The following ARHGAP17 variants were observed in gnomAD, a reference collection of about 807,000 sequenced individuals.
ARHGAP17 encodes Rho GTPase activating protein 17.
Under a neutral mutation model 99.5 loss-of-function variants are expected in ARHGAP17, and 57 were observed. That is an observed-to-expected ratio of 0.57 (90% CI 0.46 to 0.71). The LOEUF is 0.71. ARHGAP17 is among the 30% of genes least tolerant of loss of function. ARHGAP17 has a pLI of 0.00. For synonymous variants in ARHGAP17, 417 were observed against 429.6 expected (o/e 0.97, Z 0.36); for missense variants, 1,000 against 1,122.4 (o/e 0.89, Z 1.56).
intron 1 of ARHGAP17, among the ~76,000 whole-genome samples, chr16:24,993,011 C>A (rs910480706): frequency 6.6e-6 from 1 of 152,118 alleles, no homozygotes; most frequent in Non-Finnish European, 1.5e-5. Context: ...ATGTTGTCCA[C>A]ACTGGTTTCA....
rs181667440 is a variant in ARHGAP17 at position 24,989,502 on chromosome 16, T to C, written c.54-10497A>G. The stretch of plus-strand genomic sequence containing the variant: ...CTACACATGACAGTCCTGGAGGCTC[T>C]GAAAATAATACAGGTGATGCCACTT... On this transcript the variant is annotated intron_variant, in intron 1 of 19. Transcript: ENST00000289968. Among the ~76,000 whole-genome samples the C allele has an allele frequency of 1.6e-3, 238 of 151,750 alleles. 2 individuals carry two copies. In the Middle Eastern group the frequency reaches 0.027, roughly 17 times the overall value.
At chr16:24,923,534 A>T (rs2050766774) in intron 19 of ARHGAP17, among the ~76,000 whole-genome samples, 1 of 152,074 alleles carries the variant, frequency 6.6e-6, no homozygotes, top group Admixed American at 6.6e-5. Context: ...AGACCAGCCC[A>T]GGCAACATGA....
intron 14 of ARHGAP17, among the ~76,000 whole-genome samples, chr16:24,944,132 G>A (rs1426004648): frequency 2.6e-5 from 4 of 152,090 alleles, no homozygotes; most frequent in African/African-American, 4.8e-5. Context: ...TTAGCCAGGC[G>A]TGGTGGTGCG....
Position 24,968,706 on chromosome 16 carries a change from G to T in ARHGAP17, c.339C>A (p.Val113=), listed in dbSNP as rs1219265445. ...GGTCCACGATCTCCTTCTCAACAAA[G>T]ACTTCGTGCTGGGAGAGCTCGAGAG... ...QLALELSQHE[V]FVEKEIVDPL... is the part of the protein sequence containing the mutation. The change falls in exon 5 of 20, where the codon GTC becomes GTA. Residue 113 remains valine (V), a synonymous_variant. Transcript: ENST00000289968. 6.2e-7 allele frequency: 1 copy of T among 1,614,194 alleles called. No individual in the cohort carries two copies. The highest frequency in any genetic ancestry group is 8.5e-7 in the Non-Finnish European group (1 of 1,180,050).
At chr16:24,990,617 A>C (rs1434871954) in intron 1 of ARHGAP17, among the ~76,000 whole-genome samples, 1 of 152,004 alleles carries the variant, frequency 6.6e-6, no homozygotes, top group Non-Finnish European at 1.5e-5. Flanking sequence ...AGATCACACC[A>C]CTGCACTCCA....
intron 1 of ARHGAP17, among the ~76,000 whole-genome samples, chr16:25,008,941 A>G (rs895171557): frequency 2.2e-4 from 34 of 152,200 alleles, no homozygotes; most frequent in African/African-American, 8.2e-4. Context: ...GATGAGATTG[A>G]GAAGCTGCTG....
intron 19 of ARHGAP17, among the ~76,000 whole-genome samples, chr16:24,924,517 G>T (rs185530716): frequency 3.3e-4 from 50 of 151,590 alleles, no homozygotes; most frequent in African/African-American, 1.1e-3. Context: ...CCAGCCCTTG[G>T]AAGGCAGAGA....
At chr16:25,012,415 C>A (rs547462153) in intron 1 of ARHGAP17, among the ~76,000 whole-genome samples, 2 of 152,336 alleles carry the variant, frequency 1.3e-5, no homozygotes, top group South Asian at 4.1e-4. Context: ...CTGCAAGACA[C>A]CACCTAGAAT....
At chr16:24,965,013 G>A (rs892408411) in intron 6 of ARHGAP17, among the ~76,000 whole-genome samples, 1 of 152,034 alleles carries the variant, frequency 6.6e-6, no homozygotes, top group Non-Finnish European at 1.5e-5. Context: ...GAAAAAAAAA[G>A]AAACTATAGT....
At chr16:25,005,633 T>C (rs2053484583) in intron 1 of ARHGAP17, among the ~76,000 whole-genome samples, 2 of 152,242 alleles carry the variant, frequency 1.3e-5, no homozygotes, top group Non-Finnish European at 2.9e-5. Context: ...GAGACATTTG[T>C]TGAACTAAAT....
chr16:24,937,678 T>C (rs1191435370), intron 17 of ARHGAP17, among the ~76,000 whole-genome samples: 2 of 152,190 alleles, frequency 1.3e-5, no homozygotes, highest in Non-Finnish European at 2.9e-5. Context: ...AATTCAGGAA[T>C]GCACAAAGCA....
chr16:25,008,641 G>A (rs1391486762), intron 1 of ARHGAP17, among the ~76,000 whole-genome samples: 2 of 152,216 alleles, frequency 1.3e-5, no homozygotes, highest in South Asian at 2.1e-4. Context: ...CACGGTGCAC[G>A]TACTGACTGC....
intron 1 of ARHGAP17, among the ~76,000 whole-genome samples, chr16:24,981,894 G>A (rs1186959251): frequency 6.6e-6 from 1 of 152,010 alleles, no homozygotes; most frequent in East Asian, 1.9e-4. Context: ...TGTATTTCCA[G>A]CCATTTTTTT....
At chr16:24,967,415 C>T (rs749480496) in intron 6 of ARHGAP17, among the ~76,000 whole-genome samples, 64 of 152,222 alleles carry the variant, frequency 4.2e-4, no homozygotes, top group Non-Finnish European at 7.3e-4. Flanking sequence ...GGTTTGTCAA[C>T]CCTTGTGATA....
chr16:24,925,451 G>A, intron 19 of ARHGAP17, among the ~76,000 whole-genome samples: 1 of 152,188 alleles, frequency 6.6e-6, no homozygotes. Context: ...TTTGGTTGAA[G>A]TAGAATTGTG....
chr16:24,919,616 GAC>G lies in ARHGAP17; in HGVS notation c.*512_*513del, dbSNP rs907761331. ...GGCATGGTTCTGAGGGGACTGGGGA[GAC>G]ACAGACCATACATGATACAAAATGA... On this transcript the variant is annotated 3_prime_UTR_variant, in exon 20 of 20. Transcript: ENST00000289968. 1.3e-5 allele frequency: 2 copies of G among 152,748 alleles called. No individual in the cohort carries two copies. Among genetic ancestry groups the G allele is most frequent in the Non-Finnish European group, 1.5e-5 (1 of 68,200 alleles). The allele number at this position is 152,748 out of a possible 1,614,324, so 9.5% of individuals were successfully genotyped here.
intron 1 of ARHGAP17, among the ~76,000 whole-genome samples, chr16:25,011,548 T>C (rs1457532147): frequency 6.6e-6 from 1 of 151,868 alleles, no homozygotes; most frequent in African/African-American, 2.4e-5. Flanking sequence ...CTACTGAAAA[T>C]ACAAAAATCA....
intron 7 of ARHGAP17, among the ~76,000 whole-genome samples, chr16:24,962,545 T>C (rs568123680): frequency 5.3e-5 from 8 of 152,284 alleles, no homozygotes; most frequent in Admixed American, 3.9e-4. Flanking sequence ...CCCAAACTGA[T>C]TTAAGTTTAA....
At chr16:24,964,941 C>T (rs1269331030) in intron 6 of ARHGAP17, among the ~76,000 whole-genome samples, 1 of 151,426 alleles carries the variant, frequency 6.6e-6, no homozygotes, top group Non-Finnish European at 1.5e-5. Context: ...GACTCCATGT[C>T]TACAAACAAC....
Sources: gnomAD v4.1 joint callset for allele counts (sites outside exome capture counted in the v4.1 genomes callset) on GRCh38, gnomAD v4.1.1 for gene constraint, MANE v1.5 for transcripts, NCBI Gene and HGNC (gene_info 2026-07-23, HGNC 2026-07-21) for gene names.